SLC5A9: variants seen among roughly 807,000 people sequenced by gnomAD.
SLC5A9 encodes solute carrier family 5 member 9.
In SLC5A9, 59 loss-of-function variants were observed where a neutral mutation model predicts 70.9. The ratio of observed to expected loss-of-function variants is 0.83; its 90% CI spans 0.68 to 1.03. The LOEUF (loss-of-function observed/expected upper bound fraction) is 1.03. Ranked by LOEUF, SLC5A9 falls within the 50% of genes least tolerant of loss-of-function variation. The pLI, the probability that SLC5A9 is intolerant of heterozygous loss-of-function variation, is 0.00. For missense variants in SLC5A9, 832 were observed against 881.1 expected, an observed-to-expected ratio of 0.94 and a Z score of 0.71; for synonymous variants, 340 against 346.5, an observed-to-expected ratio of 0.98 and a Z score of 0.21.
rs1644217014 is a variant in SLC5A9 at position 48,229,527 on chromosome 1, C to CATGT, written c.504+69_504+72dup. ...ATTAGGGAACTGCTGAGTGCATCAC[C>CATGT]ATGTGCGTGTTGCTGAGGGGAAGCT... On this transcript the variant is annotated intron_variant, in intron 4 of 13. Transcript: ENST00000438567. 3 of 1,580,232 alleles carry CATGT rather than the reference C, an allele frequency of 1.9e-6. No individual in the cohort carries two copies. In the Admixed American group the frequency reaches 5.2e-5, roughly 27 times the overall value.
In SLC5A9 at chr1:48,230,700, T is replaced by C. The variant is rs1644236027; in HGVS notation, c.605T>C (p.Ile202Thr). ...ILLVVTAVYT[I>T]AGGLMAVIYT... Reference sequence around the variant, plus strand: ...CTGGTGGTGACTGCCGTCTACACCATTGCAGGTAGGCAGAGGGAAGAGGGC... The same window carrying C: ...CTGGTGGTGACTGCCGTCTACACCACTGCAGGTAGGCAGAGGGAAGAGGGC... The change falls in exon 5 of 14, where the codon ATT (isoleucine) becomes ACT (threonine). Residue 202 changes from isoleucine (I) to threonine (T), a missense_variant. By Grantham distance (89) the Ile-to-Thr change is moderately conservative. Coordinates refer to ENST00000438567, the MANE Select transcript of SLC5A9 (RefSeq NM_001011547.3). 6.2e-7 allele frequency: 1 copy of C among 1,612,110 alleles called. No homozygotes were observed. The highest frequency in any genetic ancestry group is 8.5e-7 in the Non-Finnish European group (1 of 1,178,462).
intron 12 of SLC5A9, among the ~76,000 whole-genome samples, chr1:48,241,750 C>T (rs1445237795): frequency 6.6e-6 from 1 of 152,052 alleles, no homozygotes; most frequent in Non-Finnish European, 1.5e-5. Flanking sequence ...TTCTCTCTAT[C>T]TCTATCCCTT....
chr1:48,228,447 G>A (rs536827574), intron 2 of SLC5A9: 12 of 189,106 alleles, frequency 6.3e-5, no homozygotes, highest in African/African-American at 2.8e-4. Flanking sequence ...GGCTATCCCT[G>A]GGGTGGTGGG....
intron 8 of SLC5A9, among the ~76,000 whole-genome samples, chr1:48,233,254 A>T (rs981045395): frequency 6.1e-5 from 9 of 148,146 alleles, no homozygotes; most frequent in Non-Finnish European, 1.2e-4. Flanking sequence ...CCAGCTATTC[A>T]GGAGGCTGAG....
intron 4 of SLC5A9, among the ~76,000 whole-genome samples, chr1:48,229,759 G>C (rs1644221916): frequency 6.6e-6 from 1 of 152,094 alleles, no homozygotes; most frequent in Non-Finnish European, 1.5e-5. Flanking sequence ...TAGTTGCCTA[G>C]ATTTTTGGAG....
intron 9 of SLC5A9, 151 bp downstream of exon 9, chr1:48,233,913 T>C: frequency 3.1e-6 from 2 of 652,492 alleles, no homozygotes; most frequent in Non-Finnish European, 5.6e-6. Flanking sequence ...ACACACGTTT[T>C]ACAGGCATTT....
At chr1:48,242,093 T>A (rs1025007667) in intron 12 of SLC5A9, 4 of 466,882 alleles carry the variant, frequency 8.6e-6, no homozygotes, top group Admixed American at 4.7e-5. Flanking sequence ...AGGGTTTTTG[T>A]TCTTTAAGCT....
At chr1:48,238,765 C>G (rs1005538) in intron 11 of SLC5A9, among the ~76,000 whole-genome samples, 64,350 of 151,924 alleles carry the variant, frequency 0.42, 14,531 homozygotes, top group Middle Eastern at 0.56. Flanking sequence ...ATCTCCCATA[C>G]TCTTACATGC....
rs765335509 is a variant in SLC5A9 at position 48,247,574 on chromosome 1, T to C, written c.*31T>C. Reference sequence around the variant, plus strand: ...CAGACCTGGCTTCAGTGTAGACAGATTAAACAAAGCCCAAGCCTGTCAGCC... The same window carrying C: ...CAGACCTGGCTTCAGTGTAGACAGACTAAACAAAGCCCAAGCCTGTCAGCC... On this transcript the variant is annotated 3_prime_UTR_variant, in exon 14 of 14. Coordinates refer to ENST00000438567, the MANE Select transcript of SLC5A9 (RefSeq NM_001011547.3). 21 of 1,605,490 alleles carry C rather than the reference T, an allele frequency of 1.3e-5. No individual in the cohort carries two copies. The highest frequency in any genetic ancestry group is 1.6e-5 in the Non-Finnish European group (19 of 1,172,432).
At chr1:48,232,901 G>A (rs1644271169) in intron 8 of SLC5A9, among the ~76,000 whole-genome samples, 1 of 136,344 alleles carries the variant, frequency 7.3e-6, no homozygotes, top group South Asian at 2.4e-4. Context: ...AAGGAAGGAA[G>A]GAAGGAGAAG....
Position 48,239,324 on chromosome 1 carries a change from A to C in SLC5A9, c.1464A>C (p.Gly488=), listed in dbSNP as rs1312108811. 1 of 1,607,514 alleles carries C rather than the reference A, an allele frequency of 6.2e-7. No homozygotes were observed. Among genetic ancestry groups the C allele is most frequent in the South Asian group, 1.1e-5 (1 of 90,504 alleles). Residue 488 remains glycine (G), a splice_region_variant and synonymous_variant, in exon 12 of 14, where the codon GGA becomes GGC. Coordinates refer to ENST00000438567, the MANE Select transcript of SLC5A9 (RefSeq NM_001011547.3). This position sits in a 1 kb window ranked among gnomAD's most constrained non-coding sequence, Gnocchi z 4.2. The stretch of plus-strand genomic sequence containing the variant: ...CTCTTGTCTGCCCTCTCTCACAGGG[A>C]GCTTTCTGGGGCCTCGTGTTTGGCC... ...AIFCKRVTEP[G]AFWGLVFGLG...
At chr1:48,227,906 T>G (rs1309839512) in intron 2 of SLC5A9, 1 of 152,274 alleles carries the variant, frequency 6.6e-6, no homozygotes, top group Non-Finnish European at 1.5e-5. Context: ...GTGATTTTAC[T>G]GTGGTGACAT....
rs768916637 is a variant in SLC5A9 at position 48,242,659 on chromosome 1, G to A, written c.1837+43G>A. The A allele has an allele frequency of 5.1e-6, 8 of 1,555,692 alleles. No homozygotes were observed. The Admixed American group carries it at 9.1e-5, about 18-fold the overall frequency. On this transcript the variant is annotated intron_variant, in intron 13 of 13. Transcript: ENST00000438567. Reference sequence around the variant, plus strand: ...GGGGGATACTCATCACAGAGGAACAGGGGGGACAGACCTATGTCATGGGCG... The same window carrying A: ...GGGGGATACTCATCACAGAGGAACAAGGGGGACAGACCTATGTCATGGGCG...
At chr1:48,245,821 C>T (rs919557080) in intron 13 of SLC5A9, among the ~76,000 whole-genome samples, 3 of 151,838 alleles carry the variant, frequency 2.0e-5, no homozygotes, top group South Asian at 2.1e-4. Context: ...ATTAGCAGGG[C>T]GTGGTGGTGC....
intron 11 of SLC5A9, among the ~76,000 whole-genome samples, chr1:48,238,842 T>G (rs1452491756): frequency 6.6e-6 from 1 of 152,178 alleles, no homozygotes; most frequent in African/African-American, 2.4e-5. Flanking sequence ...GTACCAGAGC[T>G]TTTCTTAAAA....
intron 10 of SLC5A9, 119 bp from the exon 11 acceptor site, chr1:48,237,560 G>A: frequency 1.0e-6 from 1 of 958,898 alleles, no homozygotes; most frequent in East Asian, 2.5e-5. Context: ...AACCTTCTCT[G>A]ATCTAGTGAT....
chr1:48,246,625 G>C (rs544044393), intron 13 of SLC5A9, among the ~76,000 whole-genome samples: 1 of 152,182 alleles, frequency 6.6e-6, no homozygotes, highest in South Asian at 2.1e-4. Context: ...CTCACCCCAA[G>C]GAAGCCCGTG....
At chr1:48,233,617 G>A (rs375673412) in intron 8 of SLC5A9, 38 bp from the exon 9 acceptor site, 18 of 1,538,806 alleles carry the variant, frequency 1.2e-5, no homozygotes, top group African/African-American at 9.5e-5. Flanking sequence ...GAGAAGGCAC[G>A]AGATCACGGA....
intron 4 of SLC5A9, 33 bp downstream of exon 4, chr1:48,229,492 G>A (rs1463303011): frequency 6.2e-7 from 1 of 1,609,470 alleles, no homozygotes. Context: ...CACTGTGTCT[G>A]GAAATGCTAA....
Sources: gnomAD v4.1 joint callset for allele counts (sites outside exome capture counted in the v4.1 genomes callset) on GRCh38, gnomAD v4.1.1 for gene constraint, Gnocchi (gnomAD v3.1) non-coding constraint, MANE v1.5 for transcripts, NCBI Gene and HGNC (gene_info 2026-07-23, HGNC 2026-07-21) for gene names.